HYCC2: variants seen among roughly 807,000 people sequenced by gnomAD.
HYCC2 encodes hyccin 2.
At chr2:200,990,809 G>A in the HYCC2 span, among the ~76,000 whole-genome samples, 4 of 152,130 alleles carry the variant, frequency 2.6e-5, no homozygotes, top group Non-Finnish European at 5.9e-5. Context: ...CTGACCTCGT[G>A]ATACACCCGC....
At chr2:201,039,443 A>G in the HYCC2 span, among the ~76,000 whole-genome samples, 1 of 152,218 alleles carries the variant, frequency 6.6e-6, no homozygotes, top group Non-Finnish European at 1.5e-5. Context: ...AATGGAAGTT[A>G]AATACCTTCT....
At chr2:200,990,012 G>C in the HYCC2 span, among the ~76,000 whole-genome samples, 2 of 150,636 alleles carry the variant, frequency 1.3e-5, no homozygotes, top group Admixed American at 6.7e-5. Context: ...GTCCTGTCTA[G>C]ATCTAAAAAA....
chr2:200,994,501 TG>T, the HYCC2 span, among the ~76,000 whole-genome samples: 2 of 152,166 alleles, frequency 1.3e-5, no homozygotes, highest in Non-Finnish European at 2.9e-5. Context: ...ACTCCCAAAG[TG>T]CTGGGATTAG....
chr2:201,005,260 G>C, the HYCC2 span, among the ~76,000 whole-genome samples: 3 of 152,128 alleles, frequency 2.0e-5, no homozygotes, highest in Non-Finnish European at 4.4e-5. Flanking sequence ...ATTATCACTG[G>C]AGAGATTCCT....
At chr2:201,010,103 C>CCA in the HYCC2 span, among the ~76,000 whole-genome samples, 1 of 70,742 alleles carries the variant, frequency 1.4e-5, no homozygotes, top group Non-Finnish European at 2.9e-5. Flanking sequence ...GACTCTGTCT[C>CCA]AAAAAAAAAA....
At chr2:201,057,789 C>G in the HYCC2 span, among the ~76,000 whole-genome samples, 1 of 152,036 alleles carries the variant, frequency 6.6e-6, no homozygotes, top group Non-Finnish European at 1.5e-5. Context: ...ATTGACCTTA[C>G]AGAGAAGTAG....
chr2:201,059,951 G>A, the HYCC2 span, among the ~76,000 whole-genome samples: 4 of 151,328 alleles, frequency 2.6e-5, no homozygotes, highest in Non-Finnish European at 5.9e-5. Context: ...AGGCTGAGGT[G>A]GAGAATCACT....
At chr2:201,009,162 A>C in the HYCC2 span, 6 of 889,514 alleles carry the variant, frequency 6.7e-6, no homozygotes, top group Non-Finnish European at 1.1e-5. Flanking sequence ...AATAATATTT[A>C]ATTTTCTTTT....
At chr2:201,000,576 G>C in the HYCC2 span, among the ~76,000 whole-genome samples, 3 of 152,034 alleles carry the variant, frequency 2.0e-5, no homozygotes, top group Admixed American at 6.6e-5. Context: ...GAAAATAAGC[G>C]TGAGAATGTA....
the HYCC2 span, among the ~76,000 whole-genome samples, chr2:201,035,345 ATTCAT>A: frequency 5.9e-5 from 9 of 152,044 alleles, 1 homozygote; most frequent in Non-Finnish European, 1.3e-4. Context: ...GCTTCATTTC[ATTCAT>A]TTCATCTTCC....
the HYCC2 span, among the ~76,000 whole-genome samples, chr2:201,039,216 C>T: frequency 2.4e-3 from 367 of 152,274 alleles, 1 homozygote; most frequent in African/African-American, 8.1e-3. Context: ...CTGTAATTAA[C>T]GTTATTTGTT....
the HYCC2 span, among the ~76,000 whole-genome samples, chr2:200,989,706 C>A: frequency 7.0e-4 from 106 of 152,140 alleles, no homozygotes; most frequent in East Asian, 6.8e-3. Context: ...CCCAGCTACT[C>A]AGGAGGCTGG....
At chr2:201,012,952 T>TACACACACAC in the HYCC2 span, among the ~76,000 whole-genome samples, 108 of 146,412 alleles carry the variant, frequency 7.4e-4, no homozygotes, top group Non-Finnish European at 1.2e-3. Flanking sequence ...TTTCAAAAAA[T>TACACACACAC]ACACACACAC....
the HYCC2 span, chr2:200,981,474 A>G: frequency 6.2e-7 from 1 of 1,614,154 alleles, no homozygotes; most frequent in Non-Finnish European, 8.5e-7. This position sits in a 1 kb window ranked among gnomAD's most constrained non-coding sequence, Gnocchi z 4.5. Context: ...TACTTGCTTG[A>G]CTGCCATTTA....
chr2:200,979,583 T>C, the HYCC2 span: 1 of 152,542 alleles, frequency 6.6e-6, no homozygotes, highest in Non-Finnish European at 1.5e-5. Flanking sequence ...GTAATTTTAA[T>C]GGTAGAGATA....
At chr2:200,987,558 G>C in the HYCC2 span, 4 of 1,287,012 alleles carry the variant, frequency 3.1e-6, no homozygotes, top group Non-Finnish European at 4.1e-6. Flanking sequence ...TAACATTTTA[G>C]TGCTTTTATG....
the HYCC2 span, among the ~76,000 whole-genome samples, chr2:201,029,865 C>T: frequency 4.6e-5 from 7 of 152,110 alleles, no homozygotes; most frequent in Admixed American, 2.6e-4. Context: ...ACCAACATGG[C>T]ACATGTATAC....
chr2:201,035,988 C>T, the HYCC2 span, among the ~76,000 whole-genome samples: 1 of 151,990 alleles, frequency 6.6e-6, no homozygotes, highest in Non-Finnish European at 1.5e-5. Flanking sequence ...AGTACCCGGC[C>T]GTGTGAGGTG....
chr2:201,044,556 G>C, the HYCC2 span, among the ~76,000 whole-genome samples: 367 of 152,272 alleles, frequency 2.4e-3, 3 homozygotes, highest in African/African-American at 8.5e-3. Flanking sequence ...AGCTACTTAA[G>C]TAATCTCTGT....
Sources: allele counts gnomAD v4.1 joint callset (sites outside exome capture counted in the v4.1 genomes callset), GRCh38; gene constraint gnomAD v4.1.1; non-coding constraint Gnocchi (gnomAD v3.1); transcripts MANE v1.5; gene names NCBI Gene and HGNC (gene_info 2026-07-23, HGNC 2026-07-21).